The following RAP1A variants were observed in gnomAD, a reference collection of about 807,000 sequenced individuals.
The protein encoded by RAP1A is RAP1A, member of RAS oncogene family, also known as ras-related protein Rap-1A.
Under a neutral mutation model 26.4 loss-of-function variants are expected in RAP1A, and 6 were observed. That is an observed-to-expected ratio of 0.23 (90% confidence interval 0.12 to 0.45). RAP1A has a LOEUF of 0.45. Among genes scored for constraint, RAP1A ranks in the 20% least tolerant of loss-of-function variants. The probability of loss-of-function intolerance (pLI) is 0.99; values close to 1 mark genes in which losing one functional copy is unlikely to be tolerated. For synonymous variants in RAP1A, 73 were observed against 79.4 expected (o/e 0.92, Z 0.43); for missense variants, 121 against 217.2 (o/e 0.56, Z 2.78).
At chr1:111,561,167 A>C (rs980415188) in intron 1 of RAP1A, among the ~76,000 whole-genome samples, 1 of 152,230 alleles carries the variant, frequency 6.6e-6, no homozygotes, top group African/African-American at 2.4e-5. Context: ...TCTGTCACCC[A>C]GGCTGGAGTG....
chr1:111,686,950 C>T (rs925527909), intron 1 of RAP1A, among the ~76,000 whole-genome samples: 4 of 151,694 alleles, frequency 2.6e-5, no homozygotes, highest in African/African-American at 9.7e-5. Flanking sequence ...TTAGCAGCAA[C>T]TGTGACTTTG....
intron 1 of RAP1A, among the ~76,000 whole-genome samples, chr1:111,571,844 T>C (rs940690270): frequency 1.3e-5 from 2 of 152,236 alleles, no homozygotes; most frequent in Non-Finnish European, 2.9e-5. Flanking sequence ...TAAAATGGCA[T>C]GCATTTTTGG....
intron 1 of RAP1A, among the ~76,000 whole-genome samples, chr1:111,655,268 A>AAC (rs1307380178): frequency 3.0e-4 from 9 of 29,660 alleles, no homozygotes; most frequent in East Asian, 3.4e-3. Context: ...CAATAAAACA[A>AAC]AAAAAAAAAC....
chr1:111,632,014 A>G (rs1312402285), intron 1 of RAP1A, among the ~76,000 whole-genome samples: 1 of 152,172 alleles, frequency 6.6e-6, no homozygotes, highest in Non-Finnish European at 1.5e-5. Context: ...GTATTCTGAA[A>G]TGAGGTGATG....
At chr1:111,570,059 G>A (rs899063476) in intron 1 of RAP1A, among the ~76,000 whole-genome samples, 5 of 152,052 alleles carry the variant, frequency 3.3e-5, no homozygotes, top group Non-Finnish European at 5.9e-5. Context: ...TAATGTCCCA[G>A]GGGACAGGCA....
At chr1:111,554,179 C>G (rs1256463422) in intron 1 of RAP1A, among the ~76,000 whole-genome samples, 2 of 152,156 alleles carry the variant, frequency 1.3e-5, no homozygotes, top group Non-Finnish European at 2.9e-5. Flanking sequence ...ATGATAATAC[C>G]TATCTCATAG....
intron 1 of RAP1A, among the ~76,000 whole-genome samples, chr1:111,670,239 A>G (rs1243019089): frequency 6.6e-6 from 1 of 152,160 alleles, no homozygotes; most frequent in Non-Finnish European, 1.5e-5. Context: ...TGGGAGGCCA[A>G]GGTGGGCAGA....
At chr1:111,710,398 T>G (rs1433485126) in intron 7 of RAP1A, among the ~76,000 whole-genome samples, 1 of 152,256 alleles carries the variant, frequency 6.6e-6, no homozygotes. Context: ...TAATTTGTAT[T>G]GTATTTAAAT....
chr1:111,649,088 A>G (rs1463684069), intron 1 of RAP1A: 8 of 605,578 alleles, frequency 1.3e-5, no homozygotes, highest in African/African-American at 1.3e-4. Flanking sequence ...ACTTGACTCT[A>G]AAGTCATCAG....
intron 1 of RAP1A, among the ~76,000 whole-genome samples, chr1:111,667,762 G>A (rs931097847): frequency 6.6e-6 from 1 of 151,802 alleles, no homozygotes; most frequent in Non-Finnish European, 1.5e-5. Context: ...TTTAAATGAA[G>A]GTCCCATTTT....
chr1:111,670,762 T>C lies in RAP1A; in HGVS notation c.-27-20572T>C, dbSNP rs143220297. On this transcript the variant is annotated intron_variant, in intron 1 of 7. Coordinates refer to ENST00000369709, the MANE Select transcript of RAP1A (RefSeq NM_002884.4). ...GAGATATAACTAAAGATGTGGCAGA[T>C]TTTTATAAAAGAGAGAAAAGTGCAC... Among the ~76,000 whole-genome samples, 18 of 152,264 alleles carry C rather than the reference T, an allele frequency of 1.2e-4. No individual in the cohort carries two copies. In the Middle Eastern group the frequency reaches 0.02, roughly 173 times the overall value.
At chr1:111,556,373 C>A (rs1657493293) in intron 1 of RAP1A, among the ~76,000 whole-genome samples, 1 of 151,976 alleles carries the variant, frequency 6.6e-6, no homozygotes, top group Admixed American at 6.6e-5. Flanking sequence ...GGCAGTTTCT[C>A]AAAAAATTAA....
chr1:111,632,921 C>CAA (rs59053038), intron 1 of RAP1A, among the ~76,000 whole-genome samples: 10,593 of 68,076 alleles, frequency 0.16, 873 homozygotes, highest in African/African-American at 0.17. Flanking sequence ...AACTTGGTCT[C>CAA]AAAAAAAAAA....
At position 111,714,070 on chromosome 1, in the gene RAP1A, GT is replaced by G. The variant is rs1242423114; in HGVS notation, c.*1672del. 1 of 152,148 alleles carries G rather than the reference GT, an allele frequency of 6.6e-6. No homozygotes were observed. Among genetic ancestry groups the G allele is most frequent in the African/African-American group, 2.4e-5 (1 of 41,424 alleles). The allele number at this position is 152,148 out of a possible 1,614,324, so 9.4% of individuals were successfully genotyped here. A position where few individuals can be genotyped will look rare whatever the true frequency, so the allele number is the denominator to read the frequency against. On this transcript the variant is annotated 3_prime_UTR_variant, in exon 8 of 8. Coordinates refer to ENST00000369709, the MANE Select transcript of RAP1A (RefSeq NM_002884.4). Reference sequence around the variant, plus strand: ...TACTAAACTGAAATTTTAAAATCAGGTTTCAAATGTTAAGCTTTGACCAACC... The same window carrying G: ...TACTAAACTGAAATTTTAAAATCAGGTTCAAATGTTAAGCTTTGACCAACC...
At chr1:111,567,938 C>T (rs1229712960) in intron 1 of RAP1A, among the ~76,000 whole-genome samples, 3 of 152,204 alleles carry the variant, frequency 2.0e-5, no homozygotes. Flanking sequence ...GTTGTGGCAG[C>T]TTGAGCAGAC....
intron 1 of RAP1A, among the ~76,000 whole-genome samples, chr1:111,629,855 A>G (rs968754947): frequency 2.0e-5 from 3 of 152,164 alleles, no homozygotes; most frequent in African/African-American, 7.2e-5. Context: ...AATGTCTACA[A>G]ACTATAAGAG....
At position 111,715,958 on chromosome 1, in the gene RAP1A, T is replaced by G. The variant is rs1220574534; in HGVS notation, c.*3557T>G. On this transcript the variant is annotated 3_prime_UTR_variant, in exon 8 of 8. Coordinates refer to ENST00000369709, the MANE Select transcript of RAP1A (RefSeq NM_002884.4). ...ACAGAAAGAGAAATAAGGAATACCT[T>G]GGTATTTTCCTTTGCAAGCAATCAC... 6.6e-6 allele frequency: 1 copy of G among 152,258 alleles called. No homozygotes were observed. The highest frequency in any genetic ancestry group is 2.4e-5 in the African/African-American group (1 of 41,472). 9.4% of individuals were successfully genotyped at this position (152,258 alleles called of 1,614,324 possible).
intron 1 of RAP1A, among the ~76,000 whole-genome samples, chr1:111,576,768 C>A (rs1658153883): frequency 6.6e-6 from 1 of 152,200 alleles, no homozygotes; most frequent in African/African-American, 2.4e-5. Flanking sequence ...TGATCTCAAT[C>A]AGACTCTAAA....
At chr1:111,600,407 A>G (rs977395091) in intron 1 of RAP1A, among the ~76,000 whole-genome samples, 9 of 152,204 alleles carry the variant, frequency 5.9e-5, no homozygotes, top group African/African-American at 1.9e-4. Flanking sequence ...GTGTAAATGG[A>G]TATTCTTCTG....
Sources: allele counts gnomAD v4.1 joint callset (sites outside exome capture counted in the v4.1 genomes callset), GRCh38; gene constraint gnomAD v4.1.1; transcripts MANE v1.5; gene names NCBI Gene and HGNC (gene_info 2026-07-23, HGNC 2026-07-21).